NHSL1: variants seen among roughly 807,000 people sequenced by gnomAD.
The protein encoded by NHSL1 is NHS like 1.
A neutral mutation model predicts 95.0 loss-of-function variants in NHSL1; 48 were observed. That is an observed-to-expected ratio of 0.51 (90% CI 0.40 to 0.64). The LOEUF is 0.64. Among genes scored for constraint, NHSL1 ranks in the 30% least tolerant of loss-of-function variants. The pLI is 0.00. For synonymous variants in NHSL1, 783 were observed against 833.9 expected (o/e 0.94, Z 1.05); for missense variants, 1,971 against 2,077.7 (o/e 0.95, Z 1.00).
At chr6:138,468,760 G>A (rs1402944820) in intron 3 of NHSL1, among the ~76,000 whole-genome samples, 3 of 152,170 alleles carry the variant, frequency 2.0e-5, no homozygotes, top group Non-Finnish European at 2.9e-5. Flanking sequence ...CTAGGTTTGT[G>A]TAAGTATACC....
chr6:138,485,014 T>C (rs1042712453), intron 2 of NHSL1, among the ~76,000 whole-genome samples: 2 of 152,196 alleles, frequency 1.3e-5, no homozygotes, highest in African/African-American at 4.8e-5. Context: ...GTGAGTGTGC[T>C]GAGAGTCTGC....
chr6:138,629,891 AAC>A (rs1784794332), intron 1 of NHSL1, among the ~76,000 whole-genome samples: 1 of 152,234 alleles, frequency 6.6e-6, no homozygotes, highest in African/African-American at 2.4e-5. Flanking sequence ...CTACAGAAAT[AAC>A]ACATTACATA....
At chr6:138,673,031 GTAGATAGATAGA>G (rs113615261) in intron 1 of NHSL1, among the ~76,000 whole-genome samples, 67 of 148,152 alleles carry the variant, frequency 4.5e-4, no homozygotes, top group East Asian at 1.0e-3. Context: ...AGATAGATAG[GTAGATAGATAGA>G]TAGATAGATA....
intron 1 of NHSL1, among the ~76,000 whole-genome samples, chr6:138,651,903 TTAAA>T (rs759400308): frequency 6.6e-6 from 1 of 152,262 alleles, no homozygotes; most frequent in Middle Eastern, 3.4e-3. Context: ...TTTTTTGGGG[TTAAA>T]TAATTTTACC....
At chr6:138,630,036 G>A (rs946236450) in intron 1 of NHSL1, among the ~76,000 whole-genome samples, 1 of 152,190 alleles carries the variant, frequency 6.6e-6, no homozygotes, top group African/African-American at 2.4e-5. Context: ...AACACAGTGA[G>A]ACCCTGTCTC....
chr6:138,668,068 A>AT (rs1409968546), intron 1 of NHSL1, among the ~76,000 whole-genome samples: 1 of 152,222 alleles, frequency 6.6e-6, no homozygotes, highest in African/African-American at 2.4e-5. Flanking sequence ...TAGTGGACAC[A>AT]CACCACAGGT....
rs79997219 is a variant in NHSL1 at position 138,474,379 on chromosome 6, C to A, written c.212-946G>T. Among the ~76,000 whole-genome samples the A allele has an allele frequency of 7.0e-3, 1,059 of 152,268 alleles. 21 individuals are homozygous for A. The East Asian group carries it at 0.083, about 12-fold the overall frequency. On this transcript the variant is annotated intron_variant, in intron 2 of 7. Coordinates refer to ENST00000343505, the MANE Select transcript of NHSL1 (RefSeq NM_001144060.2). The stretch of plus-strand genomic sequence containing the variant: ...ACTAAACTAGGGCATCTTCAGAGTT[C>A]CTTTCTGACATCAGGATCCATGATT...
At position 138,447,179 on chromosome 6, in the gene NHSL1, T is replaced by G. The variant is rs943672689; in HGVS notation, c.354A>C (p.Ser118=). Residue 118 remains serine (S), a synonymous_variant, in exon 4 of 8, where the codon TCA becomes TCC. Transcript: ENST00000343505. ...TGGAAATAAATCTTTCTTCTTCTGATGAAGACAGAGAACACTGCAGAGAAA... is the reference window on the plus strand; with the variant it reads ...TGGAAATAAATCTTTCTTCTTCTGAGGAAGACAGAGAACACTGCAGAGAAA... ...EETDQKCSLS[S]SEEERFISIR... The G allele has an allele frequency of 3.5e-5, 54 of 1,550,700 alleles. No individual in the cohort carries two copies. The highest frequency in any genetic ancestry group is 4.4e-5 in the Non-Finnish European group (51 of 1,146,794).
At chr6:138,655,764 T>C (rs1785148480) in intron 1 of NHSL1, among the ~76,000 whole-genome samples, 1 of 152,268 alleles carries the variant, frequency 6.6e-6, no homozygotes, top group South Asian at 2.1e-4. Flanking sequence ...TATATCCAAA[T>C]AAAATCAACA....
chr6:138,634,123 C>T (rs1431337866), intron 1 of NHSL1, among the ~76,000 whole-genome samples: 1 of 151,868 alleles, frequency 6.6e-6, no homozygotes. Context: ...ATCACCTTCA[C>T]TGAAAGGAAG....
chr6:138,571,801 C>A (rs1361409304), exon 1 of NHSL1: 1 of 1,552,270 alleles, frequency 6.4e-7, no homozygotes, highest in South Asian at 1.2e-5. Flanking sequence ...TGCGAAACAG[C>A]CTCTTTGTCT....
At chr6:138,482,319 G>A (rs1779466047) in intron 2 of NHSL1, among the ~76,000 whole-genome samples, 1 of 152,028 alleles carries the variant, frequency 6.6e-6, no homozygotes, top group South Asian at 2.1e-4. Context: ...GGTGGCGGGT[G>A]CCTGTAGTCC....
Position 138,426,662 on chromosome 6 carries a change from G to A in NHSL1, c.4086-1846C>T, listed in dbSNP as rs142300866. Among the ~76,000 whole-genome samples the A allele has an allele frequency of 9.9e-5, 15 of 152,258 alleles. No individual in the cohort carries two copies. In the East Asian group the frequency reaches 2.9e-3, roughly 29 times the overall value. ...AGGGCAGCATGGGCCCATGCTGGCT[G>A]CCCTGGGCTTGGTGTTCCTGGCGTC... On this transcript the variant is annotated intron_variant, in intron 7 of 7. Coordinates refer to ENST00000343505, the MANE Select transcript of NHSL1 (RefSeq NM_001144060.2).
intron 4 of NHSL1, among the ~76,000 whole-genome samples, chr6:138,445,770 T>C (rs949925989): frequency 1.3e-5 from 2 of 152,218 alleles, no homozygotes; most frequent in East Asian, 3.8e-4. Context: ...AAGGATGCTA[T>C]GGGTTTCCAG....
chr6:138,481,144 T>C (rs547756395), intron 2 of NHSL1, among the ~76,000 whole-genome samples: 81 of 152,324 alleles, frequency 5.3e-4, no homozygotes, highest in Admixed American at 3.7e-3. Context: ...AATAGCTGAA[T>C]GAAGTATTGT....
At chr6:138,558,055 T>G (rs1439389164) in intron 1 of NHSL1, among the ~76,000 whole-genome samples, 1 of 152,244 alleles carries the variant, frequency 6.6e-6, no homozygotes, top group Non-Finnish European at 1.5e-5. Flanking sequence ...TAGTATTTTA[T>G]ACAAGTTAAT....
intron 1 of NHSL1, among the ~76,000 whole-genome samples, chr6:138,674,605 T>A (rs1785424217): frequency 1.3e-5 from 2 of 152,188 alleles, no homozygotes; most frequent in Non-Finnish European, 2.9e-5. Context: ...TTGCTGAGGA[T>A]AATGGCTTCC....
chr6:138,589,078 C>CCTAA (rs1784185494), intron 1 of NHSL1, among the ~76,000 whole-genome samples: 1 of 152,150 alleles, frequency 6.6e-6, no homozygotes, highest in Admixed American at 6.5e-5. Context: ...GTATTTGTAT[C>CCTAA]CTAACACCCG....
chr6:138,556,727 C>A (rs1428288194), intron 1 of NHSL1, among the ~76,000 whole-genome samples: 1 of 151,826 alleles, frequency 6.6e-6, no homozygotes, highest in Admixed American at 6.6e-5. Flanking sequence ...CATTCCCATT[C>A]GCATTAATGA....
Sources: gnomAD v4.1 joint callset for allele counts (sites outside exome capture counted in the v4.1 genomes callset) on GRCh38, gnomAD v4.1.1 for gene constraint, MANE v1.5 for transcripts, NCBI Gene and HGNC (gene_info 2026-07-23, HGNC 2026-07-21) for gene names.